Variants in USP2 observed in about 807,000 individuals in gnomAD.
USP2 encodes ubiquitin carboxyl-terminal hydrolase 2.
A neutral mutation model predicts 72.0 loss-of-function variants in USP2; 33 were observed. That is an observed-to-expected ratio of 0.46 (90% CI 0.35 to 0.61). The LOEUF is 0.61. Ranked by LOEUF, USP2 falls within the 20% of genes least tolerant of loss-of-function variation. The probability of loss-of-function intolerance (pLI) is 0.01; values close to 1 mark genes in which losing one functional copy is unlikely to be tolerated. For missense variants in USP2, 691 were observed against 797.8 expected (o/e 0.87, Z 1.61); for synonymous variants, 296 against 312.5 (o/e 0.95, Z 0.56).
At chr11:119,359,156 T>C in intron 5 of USP2, 22 bp from the exon 6 acceptor site, 1 of 1,613,362 alleles carries the variant, frequency 6.2e-7, no homozygotes, top group Non-Finnish European at 8.5e-7. Context: ...GGAAGGAGGG[T>C]GAGCAACACC....
At chr11:119,381,419 A>G (rs1565316461) in intron 1 of USP2, 54 bp downstream of exon 1, 1 of 1,525,296 alleles carries the variant, frequency 6.6e-7, no homozygotes. Context: ...TGAGCTCCAA[A>G]CCGGCACTGA....
chr11:119,357,593 G>T lies in USP2; in HGVS notation c.1502-3C>A. 1 of 1,614,134 alleles carries T rather than the reference G, an allele frequency of 6.2e-7. No homozygotes were observed. The highest frequency in any genetic ancestry group is 8.5e-7 in the Non-Finnish European group (1 of 1,180,020). On this transcript the variant is annotated splice_polypyrimidine_tract_variant and splice_region_variant and intron_variant, in intron 10 of 12. Transcript: ENST00000260187. ...GGATTCTGAGAACCGCTTCAGATCT[G>T]GCATTGACGTGAGTCAAGGATAGTC...
chr11:119,362,557 C>T (rs1950780450), intron 2 of USP2, among the ~76,000 whole-genome samples: 2 of 152,148 alleles, frequency 1.3e-5, no homozygotes, highest in Middle Eastern at 6.8e-3. Context: ...TGCTCCATGC[C>T]CAGCCAGATA....
intron 2 of USP2, among the ~76,000 whole-genome samples, chr11:119,370,757 T>C (rs1246774908): frequency 2.6e-5 from 4 of 152,240 alleles, no homozygotes; most frequent in Admixed American, 6.5e-5. Context: ...AAGTGCCTTA[T>C]GAGTTGCTTC....
intron 1 of USP2, among the ~76,000 whole-genome samples, 193 bp downstream of exon 1, chr11:119,381,280 C>T (rs1951055652): frequency 6.6e-6 from 1 of 152,184 alleles, no homozygotes; most frequent in Admixed American, 6.5e-5. Flanking sequence ...CTCTTCCTGG[C>T]ACCCTGGGCT....
In USP2 at chr11:119,356,847, G is replaced by T; in HGVS notation, c.1806C>A (p.Pro602=). 6.4e-7 allele frequency: 1 copy of T among 1,564,428 alleles called. No individual in the cohort carries two copies. The highest frequency in any genetic ancestry group is 2.3e-5 in the East Asian group (1 of 42,754). Residue 602 remains proline (P), a synonymous_variant, in exon 13 of 13, where the codon CCC becomes CCA. Coordinates refer to ENST00000260187, the MANE Select transcript of USP2 (RefSeq NM_004205.5). ...YLLFYELASP[P]SRM is the part of the protein sequence containing the mutation. ...GTGGCTCCTGGCGCTACATTCGGGA[G>T]GGCGGGCTGGCCAGTTCGTAGAAGA... is the stretch of plus-strand genomic sequence containing the variant.
intron 1 of USP2, among the ~76,000 whole-genome samples, chr11:119,374,271 C>G (rs1950972503): frequency 6.6e-6 from 1 of 152,186 alleles, no homozygotes; most frequent in Non-Finnish European, 1.5e-5. Flanking sequence ...AGTTCCTCTA[C>G]CAACACAGGC....
Position 119,356,928 on chromosome 11 carries a change from G to C in USP2, c.1731-6C>G. ...TGGAGGACATGGGAGTGACGCTGCG[G>C]AGAGAGCGGGGAGTCAGCCCGGAGC... On this transcript the variant is annotated splice_polypyrimidine_tract_variant and splice_region_variant and intron_variant, in intron 12 of 12. Transcript: ENST00000260187. 6.4e-7 allele frequency: 1 copy of C among 1,555,108 alleles called. No individual in the cohort carries two copies. Among genetic ancestry groups the C allele is most frequent in the Non-Finnish European group, 8.7e-7 (1 of 1,149,852 alleles).
intron 12 of USP2, 66 bp downstream of exon 12, chr11:119,357,121 G>C: frequency 6.4e-7 from 1 of 1,552,908 alleles, no homozygotes; most frequent in Non-Finnish European, 8.7e-7. Flanking sequence ...TTTGGGGGGA[G>C]GGTGGAGGAG....
chr11:119,363,113 A>C (rs915973930), intron 2 of USP2, among the ~76,000 whole-genome samples: 5 of 152,206 alleles, frequency 3.3e-5, no homozygotes, highest in African/African-American at 1.2e-4. Flanking sequence ...TCCTGGCTGC[A>C]GCTAGGAAGC....
In USP2 at chr11:119,379,257, C is replaced by T. The variant is rs1275257634; in HGVS notation, c.-42+2216G>A. 5.1e-6 allele frequency: 5 copies of T among 985,196 alleles called. No individual in the cohort carries two copies. The African/African-American group carries it at 8.7e-5, about 17-fold the overall frequency. 61.0% of individuals were successfully genotyped at this position (985,196 alleles called of 1,614,324 possible). On this transcript the variant is annotated intron_variant, in intron 1 of 12. Transcript: ENST00000260187. ...GGCGTGCTCACCTTGAGGGGCTGCC[C>T]TTTCGGGCCAGTGCCAGCCAAGGAG...
In USP2 at chr11:119,362,390, G is replaced by C. The variant is rs370688355; in HGVS notation, c.775-2156C>G. 1.7e-4 allele frequency among the ~76,000 whole-genome samples: 26 copies of C among 152,170 alleles called. No homozygotes were observed. In the East Asian group the frequency reaches 4.8e-3, roughly 28 times the overall value. On this transcript the variant is annotated intron_variant, in intron 2 of 12. Transcript: ENST00000260187. ...GGGAGATGGGAGAAGCTCCTTTAAG[G>C]CATCCTTAGGACCCTTGGTTGTTAT...
Position 119,372,761 on chromosome 11 carries a change from TC to T in USP2, c.719del (p.Gly240GlufsTer19). The T allele has an allele frequency of 6.4e-7, 1 of 1,558,236 alleles. No individual in the cohort carries two copies. On this transcript the variant is annotated frameshift_variant, in exon 2 of 13. Transcript: ENST00000260187. LOFTEE classifies it high-confidence loss of function. ...PIGRYTLWET[G>X]KGQAPGPSRS... is the part of the protein sequence containing the mutation. ...GGCTGGGCCCAGGGGCCTGACCCTT[TC>T]CCGTCTCCCACAGCGTGTAGCGGCC...
chr11:119,367,349 A>G (rs1950868617), intron 2 of USP2, among the ~76,000 whole-genome samples: 2 of 152,198 alleles, frequency 1.3e-5, no homozygotes, highest in Non-Finnish European at 1.5e-5. Context: ...GGCTAGCTCT[A>G]TGAGGGCGGG....
In USP2 at chr11:119,357,594, G is replaced by A; in HGVS notation, c.1502-4C>T. The A allele has an allele frequency of 6.8e-6, 11 of 1,614,150 alleles. No homozygotes were observed. The highest frequency in any genetic ancestry group is 9.3e-6 in the Non-Finnish European group (11 of 1,180,026). ...GATTCTGAGAACCGCTTCAGATCTGGCATTGACGTGAGTCAAGGATAGTCA... is the reference window on the plus strand; with the variant it reads ...GATTCTGAGAACCGCTTCAGATCTGACATTGACGTGAGTCAAGGATAGTCA... On this transcript the variant is annotated splice_polypyrimidine_tract_variant and splice_region_variant and intron_variant, in intron 10 of 12. Transcript: ENST00000260187.
At position 119,372,918 on chromosome 11, in the gene USP2, G is replaced by A. The variant is rs574689775; in HGVS notation, c.563C>T (p.Thr188Ile). 69 of 1,612,712 alleles carry A rather than the reference G, an allele frequency of 4.3e-5. No homozygotes were observed. In the East Asian group the frequency reaches 1.2e-3, roughly 28 times the overall value. The change falls in exon 2 of 13, where the codon ACA becomes ATA. Residue 188 changes from threonine (T) to isoleucine (I), a missense_variant. By Grantham distance (89) the Thr-to-Ile change is moderately conservative. Coordinates refer to ENST00000260187, the MANE Select transcript of USP2 (RefSeq NM_004205.5). ...GACCAGGTATTCAGGGCAGCTGGCT[G>A]TCTGGTAGAGCCCCTGCAGGGTGCA... ...ELCTLQGLYQTASCPEYLVDY... is the reference protein window; with the variant it reads ...ELCTLQGLYQIASCPEYLVDY...
chr11:119,356,950 G>A (rs934089943), intron 12 of USP2, 28 bp from the exon 13 acceptor site: 62 of 1,549,066 alleles, frequency 4.0e-5, no homozygotes, highest in Non-Finnish European at 5.2e-5. Context: ...AGTCAGCCCG[G>A]AGCGGGCAGG....
intron 1 of USP2, chr11:119,378,904 G>A (rs533544008): frequency 3.4e-6 from 3 of 881,308 alleles, no homozygotes; most frequent in African/African-American, 3.6e-5. Flanking sequence ...ACACCCACCG[G>A]GCCCAATGGG....
chr11:119,381,370 T>G, intron 1 of USP2, 103 bp downstream of exon 1: 1 of 1,241,306 alleles, frequency 8.1e-7, no homozygotes, highest in Non-Finnish European at 1.1e-6. Flanking sequence ...ATATTTCTAG[T>G]GTCCACTCTG....
Sources: allele counts gnomAD v4.1 joint callset (sites outside exome capture counted in the v4.1 genomes callset), GRCh38; gene constraint gnomAD v4.1.1; transcripts MANE v1.5; gene names NCBI Gene and HGNC (gene_info 2026-07-23, HGNC 2026-07-21).